The following DCC variants were observed in gnomAD, a reference collection of about 807,000 sequenced individuals.
DCC encodes the protein netrin receptor DCC.
A neutral mutation model predicts 172.5 loss-of-function variants in DCC; 58 were observed. The ratio of observed to expected loss-of-function variants is 0.34; its 90% CI spans 0.27 to 0.42. DCC has a LOEUF of 0.42. Ranked by LOEUF, DCC falls within the 10% of genes least tolerant of loss-of-function variation. The pLI, the probability that DCC is intolerant of heterozygous loss-of-function variation, is 1.00. For missense variants in DCC, 1,740 were observed against 1,791.0 expected (o/e 0.97, Z 0.51); for synonymous variants, 709 against 644.5 (o/e 1.10, Z -1.52).
chr18:52,624,842 A>G (rs2034544293), intron 1 of DCC, among the ~76,000 whole-genome samples: 1 of 152,210 alleles, frequency 6.6e-6, no homozygotes, highest in Non-Finnish European at 1.5e-5. Flanking sequence ...CTAGGCAGAC[A>G]AAGAGATTCA....
chr18:53,385,661 T>A (rs1908109128), intron 15 of DCC, among the ~76,000 whole-genome samples: 1 of 152,176 alleles, frequency 6.6e-6, no homozygotes, highest in South Asian at 2.1e-4. Flanking sequence ...TTATCCTGTT[T>A]TTAGGTTTGA....
At chr18:53,370,224 C>G (rs769468737) in intron 15 of DCC, among the ~76,000 whole-genome samples, 1 of 151,590 alleles carries the variant, frequency 6.6e-6, no homozygotes, top group Non-Finnish European at 1.5e-5. Flanking sequence ...CTTTGTTATC[C>G]GATTTGTTGA....
At chr18:52,990,993 G>A (rs578173120) in intron 5 of DCC, among the ~76,000 whole-genome samples, 2 of 152,118 alleles carry the variant, frequency 1.3e-5, no homozygotes, top group African/African-American at 4.8e-5. Context: ...GCCAAGACAG[G>A]TTACATAAAT....
At chr18:53,044,264 G>C (rs1046804967) in intron 5 of DCC, among the ~76,000 whole-genome samples, 6 of 151,210 alleles carry the variant, frequency 4.0e-5, no homozygotes, top group Non-Finnish European at 8.9e-5. Context: ...TCTCTTTTTT[G>C]GTTTGGAAAA....
chr18:52,645,800 T>C (rs1568272506), intron 1 of DCC, among the ~76,000 whole-genome samples: 1 of 152,206 alleles, frequency 6.6e-6, no homozygotes, highest in African/African-American at 2.4e-5. Flanking sequence ...TTACCTAAAT[T>C]TATTAATCTT....
chr18:52,495,621 C>T (rs1003350521), intron 1 of DCC, among the ~76,000 whole-genome samples: 1 of 152,074 alleles, frequency 6.6e-6, no homozygotes, highest in African/African-American at 2.4e-5. Context: ...CTCCATCTTG[C>T]CCGAAACAGC....
intron 7 of DCC, among the ~76,000 whole-genome samples, chr18:53,090,910 C>CT (rs1359020769): frequency 6.6e-6 from 1 of 151,674 alleles, no homozygotes; most frequent in Admixed American, 6.6e-5. Context: ...ATTTTATACC[C>CT]TTGTTCTATA....
intron 12 of DCC, among the ~76,000 whole-genome samples, chr18:53,236,670 A>G (rs1405140034): frequency 6.6e-6 from 1 of 151,946 alleles, no homozygotes; most frequent in Non-Finnish European, 1.5e-5. Flanking sequence ...AGTTTTGTTT[A>G]CCCCAAGGTA....
chr18:53,092,031 G>A (rs1017245185), intron 7 of DCC, among the ~76,000 whole-genome samples: 1 of 151,874 alleles, frequency 6.6e-6, no homozygotes, highest in African/African-American at 2.4e-5. Flanking sequence ...ATCTTTATAT[G>A]ACAATTATTT....
At chr18:52,497,663 G>A (rs912882143) in intron 1 of DCC, among the ~76,000 whole-genome samples, 3 of 151,856 alleles carry the variant, frequency 2.0e-5, no homozygotes, top group Admixed American at 6.6e-5. Flanking sequence ...TTATGTAATC[G>A]ACAAGATCAT....
At chr18:53,331,924 C>T (rs1366222753) in intron 14 of DCC, among the ~76,000 whole-genome samples, 1 of 152,118 alleles carries the variant, frequency 6.6e-6, no homozygotes, top group Non-Finnish European at 1.5e-5. Context: ...TACATTTTTC[C>T]CTCTTTTTCC....
intron 1 of DCC, among the ~76,000 whole-genome samples, chr18:52,489,841 A>G (rs1290945454): frequency 6.6e-6 from 1 of 152,100 alleles, no homozygotes; most frequent in Non-Finnish European, 1.5e-5. Flanking sequence ...GACACCACTC[A>G]TCACCCTGAT....
chr18:52,910,984 CAAAT>C (rs151226590), intron 3 of DCC, among the ~76,000 whole-genome samples: 332 of 152,102 alleles, frequency 2.2e-3, no homozygotes, highest in African/African-American at 7.4e-3. Context: ...AGTTTTAAAA[CAAAT>C]AGTTTTAGAT....
chr18:53,526,872 T>C (rs200063182), intron 28 of DCC, 113 bp downstream of exon 28: 3 of 214,796 alleles, frequency 1.4e-5, no homozygotes, highest in African/African-American at 1.1e-4. Flanking sequence ...CCCAGGCCAT[T>C]GTTGTTCTTA....
chr18:53,212,512 C>G (rs1277517806), intron 11 of DCC, among the ~76,000 whole-genome samples: 1 of 152,128 alleles, frequency 6.6e-6, no homozygotes, highest in African/African-American at 2.4e-5. Context: ...AAAAAATTCT[C>G]TACTCTCCTC....
intron 27 of DCC, among the ~76,000 whole-genome samples, chr18:53,512,012 A>G (rs933102379): frequency 4.6e-5 from 7 of 152,196 alleles, no homozygotes; most frequent in African/African-American, 1.7e-4. Flanking sequence ...CTCTGGGGGC[A>G]GGGCACAGAC....
intron 2 of DCC, among the ~76,000 whole-genome samples, chr18:52,896,846 T>G (rs1369980667): frequency 6.8e-6 from 1 of 147,162 alleles, no homozygotes; most frequent in Non-Finnish European, 1.5e-5. Flanking sequence ...AGGGGAAAGC[T>G]GGGTAGGGGC....
chr18:53,099,713 G>A (rs1477710823), intron 7 of DCC, among the ~76,000 whole-genome samples: 2 of 152,014 alleles, frequency 1.3e-5, no homozygotes, highest in African/African-American at 2.4e-5. Flanking sequence ...TCCTAAAGGA[G>A]GTTTGAACCC....
chr18:53,026,449 G>C (rs1217413370), intron 5 of DCC, among the ~76,000 whole-genome samples: 1 of 152,038 alleles, frequency 6.6e-6, no homozygotes, highest in East Asian at 1.9e-4. Flanking sequence ...TCTAATGGCT[G>C]GCTTTCCTTC....
Sources: allele counts gnomAD v4.1 joint callset (sites outside exome capture counted in the v4.1 genomes callset), GRCh38; gene constraint gnomAD v4.1.1; transcripts MANE v1.5; gene names NCBI Gene and HGNC (gene_info 2026-07-23, HGNC 2026-07-21).